Variants in GRIA4 observed in about 807,000 individuals in gnomAD.
GRIA4 encodes the protein glutamate receptor 4.
GRIA4 carries 34 observed loss-of-function variants against 104.0 expected under a neutral mutation model. The observed-to-expected ratio is 0.33, with a 90% CI of 0.25 to 0.44. GRIA4 has a LOEUF of 0.44. Ranked by LOEUF, GRIA4 falls within the 20% of genes least tolerant of loss-of-function variation. The pLI is 1.00. For missense variants in GRIA4, 750 were observed against 1,096.5 expected (o/e 0.68, Z 4.46); for synonymous variants, 386 against 381.9 (o/e 1.01, Z -0.13).
chr11:105,624,336 T>C (rs1310674853), intron 3 of GRIA4, among the ~76,000 whole-genome samples: 2 of 152,090 alleles, frequency 1.3e-5, no homozygotes. Flanking sequence ...ACAAACCACT[T>C]TCAAAGTAGG....
intron 14 of GRIA4, among the ~76,000 whole-genome samples, chr11:105,970,922 G>T (rs776972198): frequency 6.6e-6 from 1 of 152,074 alleles, no homozygotes; most frequent in Non-Finnish European, 1.5e-5. Flanking sequence ...GAATATTGAC[G>T]CCAGGTAATG....
At chr11:105,885,988 C>T (rs1946241042) in intron 5 of GRIA4, among the ~76,000 whole-genome samples, 1 of 152,134 alleles carries the variant, frequency 6.6e-6, no homozygotes, top group African/African-American at 2.4e-5. Flanking sequence ...GGAAGTACAA[C>T]AAATCCTAAA....
At chr11:105,731,410 A>G (rs1464618520) in intron 3 of GRIA4, among the ~76,000 whole-genome samples, 10 of 152,148 alleles carry the variant, frequency 6.6e-5, no homozygotes, top group Non-Finnish European at 4.4e-5. Context: ...AAATAGGAAC[A>G]CTTTTACACT....
chr11:105,754,572 T>C (rs979076646), intron 4 of GRIA4, among the ~76,000 whole-genome samples: 1 of 152,188 alleles, frequency 6.6e-6, no homozygotes, highest in African/African-American at 2.4e-5. Context: ...ATAACTCACA[T>C]ATTGCATTAT....
At chr11:105,820,411 T>C (rs1943534666) in intron 4 of GRIA4, among the ~76,000 whole-genome samples, 1 of 152,064 alleles carries the variant, frequency 6.6e-6, no homozygotes, top group Non-Finnish European at 1.5e-5. Flanking sequence ...TCCTCAAACA[T>C]GCCAGTCATG....
At chr11:105,692,909 A>G (rs948957288) in intron 3 of GRIA4, among the ~76,000 whole-genome samples, 3 of 152,226 alleles carry the variant, frequency 2.0e-5, no homozygotes, top group African/African-American at 7.2e-5. Flanking sequence ...GCAAAATAAA[A>G]TTATGACATT....
At chr11:105,771,791 A>C (rs1272963977) in intron 4 of GRIA4, among the ~76,000 whole-genome samples, 2 of 152,146 alleles carry the variant, frequency 1.3e-5, no homozygotes, top group Admixed American at 1.3e-4. Flanking sequence ...AATTTGAAAA[A>C]ACTTGCAGAT....
chr11:105,860,402 C>T (rs1367242968), intron 4 of GRIA4, among the ~76,000 whole-genome samples: 1 of 152,108 alleles, frequency 6.6e-6, no homozygotes, highest in Non-Finnish European at 1.5e-5. Context: ...GCGGTATACT[C>T]GTTTTAAATC....
Position 105,692,873 on chromosome 11 carries a change from C to G in GRIA4, c.248-60108C>G, listed in dbSNP as rs183449188. The stretch of plus-strand genomic sequence containing the variant: ...TTAAATAACACCATTTTGGGCATTA[C>G]TGAAATATAAATGGACGTGAAGCAT... On this transcript the variant is annotated intron_variant, in intron 3 of 16. Coordinates refer to ENST00000282499, the MANE Select transcript of GRIA4 (RefSeq NM_000829.4). 2.2e-3 allele frequency among the ~76,000 whole-genome samples: 334 copies of G among 152,198 alleles called. 1 individual carries two copies. The highest frequency in any genetic ancestry group is 7.2e-3 in the African/African-American group (299 of 41,518).
chr11:105,863,396 A>C (rs1405720817), intron 5 of GRIA4, among the ~76,000 whole-genome samples: 1 of 151,582 alleles, frequency 6.6e-6, no homozygotes, highest in Non-Finnish European at 1.5e-5. Context: ...AGCTAAATAT[A>C]TATATATATA....
chr11:105,911,775 AATATATATATATAT>A (rs60005308), intron 10 of GRIA4: 1,064 of 74,630 alleles, frequency 0.014, 188 homozygotes, highest in Non-Finnish European at 0.015. Flanking sequence ...CTTGAAAAGC[AATATATATATATAT>A]ATATATATAT....
intron 3 of GRIA4, among the ~76,000 whole-genome samples, chr11:105,702,717 G>A (rs1287120323): frequency 7.0e-5 from 4 of 57,050 alleles, no homozygotes; most frequent in African/African-American, 2.5e-4. Flanking sequence ...TTTTTTTTGA[G>A]ACAGAATCAC....
intron 3 of GRIA4, among the ~76,000 whole-genome samples, chr11:105,723,081 T>C (rs1937942026): frequency 6.6e-6 from 1 of 152,024 alleles, no homozygotes; most frequent in African/African-American, 2.4e-5. Context: ...ATGGGTAAAG[T>C]TGAAGAAGTA....
chr11:105,861,605 A>T (rs1945227383), intron 4 of GRIA4, among the ~76,000 whole-genome samples: 1 of 152,200 alleles, frequency 6.6e-6, no homozygotes, highest in South Asian at 2.1e-4. Context: ...TGAACCAAAA[A>T]TGTTGTACTA....
chr11:105,726,302 G>A (rs754093800), intron 3 of GRIA4, among the ~76,000 whole-genome samples: 14 of 152,200 alleles, frequency 9.2e-5, no homozygotes, highest in Admixed American at 5.9e-4. Context: ...GGAGCCCACC[G>A]CAGCACCTCA....
chr11:105,739,963 C>A (rs1372930598), intron 3 of GRIA4, among the ~76,000 whole-genome samples: 3 of 152,162 alleles, frequency 2.0e-5, no homozygotes, highest in African/African-American at 7.2e-5. Flanking sequence ...TTGGGAGAGG[C>A]TGCAAGACCT....
At chr11:105,978,535 CTA>C (rs911752997) in intron 16 of GRIA4, among the ~76,000 whole-genome samples, 1 of 152,034 alleles carries the variant, frequency 6.6e-6, no homozygotes, top group African/African-American at 2.4e-5. Flanking sequence ...AGTTTTTAAA[CTA>C]GTTACTAATT....
intron 3 of GRIA4, among the ~76,000 whole-genome samples, chr11:105,736,656 T>C (rs886839977): frequency 6.6e-6 from 1 of 152,134 alleles, no homozygotes; most frequent in African/African-American, 2.4e-5. Flanking sequence ...ATGATTAAAC[T>C]TCTTTTTATT....
At chr11:105,647,216 GA>G (rs1415663195) in intron 3 of GRIA4, among the ~76,000 whole-genome samples, 1 of 152,142 alleles carries the variant, frequency 6.6e-6, no homozygotes, top group African/African-American at 2.4e-5. Flanking sequence ...CTAGTCATTA[GA>G]AAAATGCAAA....
Sources: allele counts gnomAD v4.1 joint callset (sites outside exome capture counted in the v4.1 genomes callset), GRCh38; gene constraint gnomAD v4.1.1; transcripts MANE v1.5; gene names NCBI Gene and HGNC (gene_info 2026-07-23, HGNC 2026-07-21).